Variants in NDUFAF7 observed in about 807,000 individuals in gnomAD.
The protein encoded by NDUFAF7 is protein arginine methyltransferase NDUFAF7, mitochondrial.
Under a neutral mutation model 47.2 loss-of-function variants are expected in NDUFAF7, and 48 were observed. That is an observed-to-expected ratio of 1.02 (90% confidence interval 0.81 to 1.29). The LOEUF is 1.29. Ranked by LOEUF, NDUFAF7 falls within the 50% of genes most tolerant of loss-of-function variation. The pLI is 0.00. For synonymous variants in NDUFAF7, 217 were observed against 190.0 expected, an observed-to-expected ratio of 1.14 and a Z score of -1.17; for missense variants, 635 against 537.6, an observed-to-expected ratio of 1.18 and a Z score of -1.79.
intron 8 of NDUFAF7, 70 bp downstream of exon 8, chr2:37,246,265 G>C (rs989163024): frequency 1.3e-6 from 2 of 1,516,572 alleles, no homozygotes; most frequent in Admixed American, 3.3e-5. Flanking sequence ...GAAGAGCTTT[G>C]ATTTCTACAG....
chr2:37,247,599 A>C lies in NDUFAF7; in HGVS notation c.1080A>C (p.Leu360Phe). The C allele has an allele frequency of 6.2e-7, 1 of 1,614,048 alleles. No homozygotes were observed. Among genetic ancestry groups the C allele is most frequent in the Non-Finnish European group, 8.5e-7 (1 of 1,179,958 alleles). Residue 360 changes from leucine (L) to phenylalanine (F), a missense_variant, in exon 9 of 10, where the codon TTA becomes TTC. Leu to Phe is a conservative substitution (Grantham distance 22). Coordinates refer to ENST00000002125, the MANE Select transcript of NDUFAF7 (RefSeq NM_144736.5). ...SLGPIKQHTF[L>F]KNMGIDVRLK... ...GCCCAATAAAACAACACACATTTTT[A>C]AAAAATATGGGTATTGATGTCCGGC...
downstream of NDUFAF7, chr2:37,253,398 T>C (rs371146087): frequency 1.3e-6 from 2 of 1,505,020 alleles, no homozygotes; most frequent in South Asian, 2.5e-5. Flanking sequence ...AACAAAATAC[T>C]GTCAACCTGG....
chr2:37,236,115 A>C lies in NDUFAF7; in HGVS notation c.236A>C (p.Asp79Ala), dbSNP rs1197512472. ...NPAKGYYVYR[D>A]MLGEKGDFIT... ...ACTCAGGGTTATTATGTGTACCGTG[A>C]CATGCTAGGCGAAAAAGGAGATTTC... Residue 79 changes from aspartate to alanine, a missense_variant, in exon 3 of 10, where the codon GAC becomes GCC. Physicochemically the swap from Asp to Ala is moderately radical, Grantham distance 126. Coordinates refer to ENST00000002125, the MANE Select transcript of NDUFAF7 (RefSeq NM_144736.5). 6.2e-7 allele frequency: 1 copy of C among 1,613,114 alleles called. No homozygotes were observed. The highest frequency in any genetic ancestry group is 1.3e-5 in the African/African-American group (1 of 74,898).
At chr2:37,261,068 A>G in the NDUFAF7 span, among the ~76,000 whole-genome samples, 3 of 152,240 alleles carry the variant, frequency 2.0e-5, no homozygotes, top group Non-Finnish European at 4.4e-5. Context: ...TTATTTCTGG[A>G]CATAAATCTA....
chr2:37,233,699 GCATATAGGT>G (rs1665452482), intron 2 of NDUFAF7, among the ~76,000 whole-genome samples: 1 of 151,784 alleles, frequency 6.6e-6, no homozygotes, highest in African/African-American at 2.4e-5. Flanking sequence ...CTCGTCATCA[GCATATAGGT>G]CATATTTAAA....
At chr2:37,267,530 T>C in the NDUFAF7 span, 8 of 1,601,514 alleles carry the variant, frequency 5.0e-6, no homozygotes, top group Non-Finnish European at 6.0e-6. Flanking sequence ...AGTCTTTCTA[T>C]GTTTTCCTAT....
intron 2 of NDUFAF7, among the ~76,000 whole-genome samples, chr2:37,232,769 G>T (rs1004553637): frequency 6.6e-6 from 1 of 152,220 alleles, no homozygotes; most frequent in African/African-American, 2.4e-5. Flanking sequence ...ATGTGCAGTT[G>T]AGAATGCAGT....
chr2:37,247,305 C>T, intron 8 of NDUFAF7, 151 bp from the exon 9 acceptor site: 2 of 880,520 alleles, frequency 2.3e-6, no homozygotes, highest in South Asian at 3.2e-5. Flanking sequence ...TTGTAAAACA[C>T]TGCCTAGGTG....
chr2:37,237,738 T>C lies in NDUFAF7; in HGVS notation c.298-19T>C, dbSNP rs1430818397. Reference sequence around the variant, plus strand: ...CTTTATAATACTTTAATATGTGTTTTTTTTTTCCCTTTTCACAGCTACTAG... The same window carrying C: ...CTTTATAATACTTTAATATGTGTTTCTTTTTTCCCTTTTCACAGCTACTAG... On this transcript the variant is annotated intron_variant, in intron 3 of 9. Coordinates refer to ENST00000002125, the MANE Select transcript of NDUFAF7 (RefSeq NM_144736.5). 1 of 1,489,126 alleles carries C rather than the reference T, an allele frequency of 6.7e-7. No individual in the cohort carries two copies. The highest frequency in any genetic ancestry group is 1.7e-5 in the Admixed American group (1 of 59,820). 92.2% of individuals were successfully genotyped at this position (1,489,126 alleles called of 1,614,324 possible).
intron 9 of NDUFAF7, 51 bp downstream of exon 9, chr2:37,247,680 A>C (rs765342951): frequency 6.3e-7 from 1 of 1,587,722 alleles, no homozygotes; most frequent in Non-Finnish European, 8.6e-7. Context: ...AGTATTTCAA[A>C]AATTACTTTA....
the NDUFAF7 span, among the ~76,000 whole-genome samples, chr2:37,264,375 C>G: frequency 6.6e-6 from 1 of 152,046 alleles, no homozygotes; most frequent in South Asian, 2.1e-4. Flanking sequence ...CATTATTAAA[C>G]AAAACTTGAC....
intron 3 of NDUFAF7, 44 bp from the exon 4 acceptor site, chr2:37,237,713 C>A: frequency 7.2e-7 from 1 of 1,396,482 alleles, no homozygotes; most frequent in Non-Finnish European, 1.0e-6. Flanking sequence ...TACTTTTATA[C>A]TTTATAATAC....
chr2:37,238,996 T>C (rs777805319), intron 4 of NDUFAF7, among the ~76,000 whole-genome samples: 3 of 151,910 alleles, frequency 2.0e-5, no homozygotes, highest in Non-Finnish European at 4.4e-5. Context: ...CTTGCCAGAT[T>C]AGAAAAAAAA....
At chr2:37,259,114 A>G in the NDUFAF7 span, among the ~76,000 whole-genome samples, 1 of 152,190 alleles carries the variant, frequency 6.6e-6, no homozygotes, top group East Asian at 1.9e-4. Context: ...GCCAGGACAC[A>G]GAAGCACGAT....
chr2:37,267,404 AC>A, the NDUFAF7 span: 1 of 1,464,064 alleles, frequency 6.8e-7, no homozygotes, highest in Middle Eastern at 2.2e-4. Flanking sequence ...TCTTTAATAA[AC>A]CAGTTTTTTA....
chr2:37,251,247 T>C (rs1238747747), downstream of NDUFAF7: 2 of 152,578 alleles, frequency 1.3e-5, no homozygotes, highest in Admixed American at 6.6e-5. Context: ...GAAGCTTCTA[T>C]AGAAGGACAA....
At chr2:37,256,701 T>C (rs767660133), downstream of NDUFAF7, 9 of 1,500,668 alleles carry the variant, frequency 6.0e-6, no homozygotes, top group Admixed American at 3.6e-5. Flanking sequence ...GGTGGGTACA[T>C]AAATGCAGCA....
the NDUFAF7 span, chr2:37,259,439 C>A: frequency 3.8e-6 from 2 of 526,124 alleles, no homozygotes; most frequent in Non-Finnish European, 6.9e-6. Flanking sequence ...GTTATTAATC[C>A]TCACTGGTAG....
At chr2:37,241,841 C>A in intron 5 of NDUFAF7, 50 bp downstream of exon 5, 2 of 1,517,258 alleles carry the variant, frequency 1.3e-6, no homozygotes. Flanking sequence ...ACAACCCTCA[C>A]AGTATTGATG....
Sources: allele counts gnomAD v4.1 joint callset (sites outside exome capture counted in the v4.1 genomes callset), GRCh38; gene constraint gnomAD v4.1.1; transcripts MANE v1.5; gene names NCBI Gene and HGNC (gene_info 2026-07-23, HGNC 2026-07-21).